The following VCPKMT variants were observed in gnomAD, a reference collection of about 807,000 sequenced individuals.
VCPKMT encodes protein N-lysine methyltransferase METTL21D.
VCPKMT carries 32 observed loss-of-function variants against 28.6 expected under a neutral mutation model. The ratio of observed to expected loss-of-function variants is 1.12; its 90% CI spans 0.84 to 1.50. The LOEUF is 1.50. VCPKMT is among the 40% of genes most tolerant of loss of function. VCPKMT has a pLI of 0.00. For missense variants in VCPKMT, 366 were observed against 285.0 expected, an observed-to-expected ratio of 1.28 and a Z score of -2.05; for synonymous variants, 138 against 111.4, an observed-to-expected ratio of 1.24 and a Z score of -1.50.
Position 50,114,277 on chromosome 14 carries a change from A to AT in VCPKMT, c.570+7dup. The stretch of plus-strand genomic sequence containing the variant: ...CACTACAAAGATAATAGAGTACTTA[A>AT]TACTTACCTCAAAATATTTTTTCTC... On this transcript the variant is annotated splice_region_variant and intron_variant, in intron 4 of 5. Transcript: ENST00000395860. 1 of 1,581,768 alleles carries AT rather than the reference A, an allele frequency of 6.3e-7. No homozygotes were observed. The highest frequency in any genetic ancestry group is 1.2e-5 in the South Asian group (1 of 83,262).
rs1395903255 is a variant in VCPKMT, at chr14:50,109,286, A to T, written c.*413T>A. ...AAACTCTGAAGACAAACTAAAATTT[A>T]CTAGTTTGAATTTAAAACATTATTA... On this transcript the variant is annotated 3_prime_UTR_variant, in exon 6 of 6. Transcript: ENST00000395860. 1.0e-6 allele frequency: 1 copy of T among 983,878 alleles called. No individual in the cohort carries two copies. Among genetic ancestry groups the T allele is most frequent in the East Asian group, 1.1e-4 (1 of 9,216 alleles). 60.9% of individuals were successfully genotyped at this position (983,878 alleles called of 1,614,324 possible).
chr14:50,107,342 T>C (rs568477642), downstream of VCPKMT, among the ~76,000 whole-genome samples: 1 of 149,390 alleles, frequency 6.7e-6, no homozygotes, highest in South Asian at 2.1e-4. Context: ...TGAGACGGAG[T>C]CTTGCTCTGT....
intron 4 of VCPKMT, among the ~76,000 whole-genome samples, chr14:50,113,682 CAG>C (rs1317959323): frequency 5.4e-5 from 8 of 148,578 alleles, no homozygotes; most frequent in Admixed American, 4.7e-4. Flanking sequence ...GAGAAAAACA[CAG>C]AAGTAAAAAC....
chr14:50,106,991 A>AT (rs1228074614), downstream of VCPKMT, among the ~76,000 whole-genome samples: 2 of 152,230 alleles, frequency 1.3e-5, no homozygotes, highest in Non-Finnish European at 2.9e-5. Context: ...AAGTGCTGGG[A>AT]TTACAGGCAT....
Position 50,114,293 on chromosome 14 carries a change from A to AT in VCPKMT, c.561dup (p.Tyr188IlefsTer3), listed in dbSNP as rs1882941576. 16 of 1,581,218 alleles carry AT rather than the reference A, an allele frequency of 1.0e-5. No individual in the cohort carries two copies. Among genetic ancestry groups the AT allele is most frequent in the Non-Finnish European group, 1.4e-5 (16 of 1,169,176 alleles). On this transcript the variant is annotated frameshift_variant, in exon 4 of 6. Coordinates refer to ENST00000395860, the MANE Select transcript of VCPKMT (RefSeq NM_024558.3). LOFTEE classifies it high-confidence loss of function. Reference sequence around the variant, plus strand: ...GAGTACTTAATACTTACCTCAAAATATTTTTTCTCAATTTCTGGATTTTTC... The same window carrying AT: ...GAGTACTTAATACTTACCTCAAAATATTTTTTTCTCAATTTCTGGATTTTTC...
chr14:50,115,131 CTA>C lies in VCPKMT; in HGVS notation c.450+706_450+707del, dbSNP rs140527476. On this transcript the variant is annotated intron_variant, in intron 3 of 5. Coordinates refer to ENST00000395860, the MANE Select transcript of VCPKMT (RefSeq NM_024558.3). ...TTTAAAATAATCGATGCCCACAACACTATACAAACTGATGTTTTTTTTTTTTT... is the reference window on the plus strand; with the variant it reads ...TTTAAAATAATCGATGCCCACAACACTACAAACTGATGTTTTTTTTTTTTT... 5.5e-3 allele frequency among the ~76,000 whole-genome samples: 818 copies of C among 149,656 alleles called. 9 individuals are homozygous for C. Among genetic ancestry groups the C allele is most frequent in the African/African-American group, 0.019 (786 of 40,360 alleles).
intron 4 of VCPKMT, 109 bp from the exon 5 acceptor site, chr14:50,112,828 C>G: frequency 1.4e-6 from 1 of 706,798 alleles, no homozygotes; most frequent in South Asian, 1.9e-5. Context: ...ACTCTGTCAC[C>G]CAGGCTGGAG....
downstream of VCPKMT, chr14:50,106,530 C>A: frequency 1.0e-6 from 1 of 984,616 alleles, no homozygotes; most frequent in Non-Finnish European, 1.2e-6. Context: ...TGCATCATTT[C>A]TCAGGCTGGC....
At chr14:50,111,034 TG>T (rs928333828) in intron 5 of VCPKMT, 1 of 440,970 alleles carries the variant, frequency 2.3e-6, no homozygotes, top group Non-Finnish European at 3.0e-6. Flanking sequence ...GAGGCTTCTC[TG>T]GGGGGTGAAA....
intron 4 of VCPKMT, among the ~76,000 whole-genome samples, chr14:50,113,812 A>G (rs56343999): frequency 0.68 from 11,814 of 17,384 alleles, 4,771 homozygotes; most frequent in African/African-American, 0.82. Flanking sequence ...GGGGGGGGTG[A>G]CACTGAGGCA....
At position 50,116,071 on chromosome 14, in the gene VCPKMT, T is replaced by C. The variant is rs1217397019; in HGVS notation, c.375A>G (p.Lys125=). 1.9e-6 allele frequency: 3 copies of C among 1,610,160 alleles called. No individual in the cohort carries two copies. Among genetic ancestry groups the C allele is most frequent in the South Asian group, 1.1e-5 (1 of 90,760 alleles). The change falls in exon 2 of 6, where the codon AAA becomes AAG. Residue 125 remains lysine, a splice_region_variant and synonymous_variant. Transcript: ENST00000395860. ...VTGSVQAKVL[K]WGEEIEGFPS... is the part of the protein sequence containing the mutation. Reference sequence around the variant, plus strand: ...ACAAGCTGAAAGGCCATACAAACCATTTCAGTACCTTGGCTTGAACAGAAC... The same window carrying C: ...ACAAGCTGAAAGGCCATACAAACCACTTCAGTACCTTGGCTTGAACAGAAC...
downstream of VCPKMT, chr14:50,108,485 G>T (rs996298647): frequency 3.5e-6 from 2 of 579,164 alleles, no homozygotes; most frequent in Non-Finnish European, 4.4e-6. Flanking sequence ...AACCAGCAAA[G>T]GAAACTTTTA....
Position 50,112,599 on chromosome 14 carries a change from T to G in VCPKMT, c.675+16A>C. ...GAAACCTCCTTGGAGAATGAAGAAC[T>G]GAGAATGTTATTTACCGATTTTTTC... On this transcript the variant is annotated intron_variant, in intron 5 of 5. Transcript: ENST00000395860. 6.8e-7 allele frequency: 1 copy of G among 1,467,076 alleles called. No individual in the cohort carries two copies. Among genetic ancestry groups the G allele is most frequent in the Non-Finnish European group, 9.3e-7 (1 of 1,071,322 alleles). The allele number at this position is 1,467,076 out of a possible 1,614,324, so 90.9% of individuals were successfully genotyped here. A position where few individuals can be genotyped will look rare whatever the true frequency, so the allele number is the denominator to read the frequency against.
At position 50,109,375 on chromosome 14, in the gene VCPKMT, TCATG is replaced by T; in HGVS notation, c.*320_*323del. The T allele has an allele frequency of 2.8e-6, 3 of 1,079,766 alleles. No homozygotes were observed. Among genetic ancestry groups the T allele is most frequent in the Non-Finnish European group, 3.4e-6 (3 of 892,532 alleles). 66.9% of individuals were successfully genotyped at this position (1,079,766 alleles called of 1,614,324 possible). A position where few individuals can be genotyped will look rare whatever the true frequency, so the allele number is the denominator to read the frequency against. On this transcript the variant is annotated 3_prime_UTR_variant, in exon 6 of 6. Transcript: ENST00000395860. The stretch of plus-strand genomic sequence containing the variant: ...GCTTCCTGTAAAAGGTCCAGTCAAA[TCATG>T]TTGGCTGTTTTTGGCAGATTTCAGC...
At chr14:50,113,796 G>GGGGC (rs1882879329) in intron 4 of VCPKMT, among the ~76,000 whole-genome samples, 1 of 77,716 alleles carries the variant, frequency 1.3e-5, no homozygotes, top group Non-Finnish European at 2.6e-5. Flanking sequence ...CTTGGGGGCG[G>GGGGC]GGGGGGGGGG....
intron 3 of VCPKMT, 73 bp from the exon 4 acceptor site, chr14:50,114,477 A>G: frequency 9.1e-7 from 1 of 1,097,940 alleles, no homozygotes. Flanking sequence ...TTGAGGAGGT[A>G]CAGGGGTATT....
downstream of VCPKMT, among the ~76,000 whole-genome samples, chr14:50,107,505 G>C (rs988786943): frequency 6.6e-6 from 1 of 152,148 alleles, no homozygotes; most frequent in African/African-American, 2.4e-5. Context: ...GTAGAGACAG[G>C]GTTTCACCAT....
chr14:50,103,433 A>G, the VCPKMT span, among the ~76,000 whole-genome samples: 2 of 152,218 alleles, frequency 1.3e-5, no homozygotes, highest in African/African-American at 4.8e-5. Context: ...CAGACTTCAG[A>G]AAAATGACTT....
intron 5 of VCPKMT, among the ~76,000 whole-genome samples, 172 bp from the exon 6 acceptor site, chr14:50,109,885 T>G (rs1408306431): frequency 6.6e-6 from 1 of 152,220 alleles, no homozygotes; most frequent in African/African-American, 2.4e-5. Flanking sequence ...TGCTGACACC[T>G]AACAAGCAAC....
Sources: gnomAD v4.1 joint callset for allele counts (sites outside exome capture counted in the v4.1 genomes callset) on GRCh38, gnomAD v4.1.1 for gene constraint, MANE v1.5 for transcripts, NCBI Gene and HGNC (gene_info 2026-07-23, HGNC 2026-07-21) for gene names.